GABRB2: variants seen among roughly 807,000 people sequenced by gnomAD.
GABRB2 encodes the protein gamma-aminobutyric acid type A receptor subunit beta2.
A neutral mutation model predicts 54.7 loss-of-function variants in GABRB2; 16 were observed. The ratio of observed to expected loss-of-function variants is 0.29; its 90% CI spans 0.20 to 0.44. GABRB2 has a LOEUF of 0.44. Ranked by LOEUF, GABRB2 falls within the 20% of genes least tolerant of loss-of-function variation. The pLI, the probability that GABRB2 is intolerant of heterozygous loss-of-function variation, is 1.00. For missense variants in GABRB2, 355 were observed against 644.0 expected (o/e 0.55, Z 4.86); for synonymous variants, 244 against 233.8 (o/e 1.04, Z -0.40).
chr5:161,306,119 A>G (rs982729071), intron 9 of GABRB2, among the ~76,000 whole-genome samples: 1 of 152,218 alleles, frequency 6.6e-6, no homozygotes, highest in African/African-American at 2.4e-5. Context: ...ATGGGTTTTG[A>G]AACTGACGTC....
chr5:161,393,708 TAATAA>T (rs1283667962), intron 5 of GABRB2, among the ~76,000 whole-genome samples: 3 of 152,102 alleles, frequency 2.0e-5, no homozygotes, highest in African/African-American at 7.2e-5. Context: ...CAGGAAGACC[TAATAA>T]TTCTCAGTGT....
At chr5:161,451,304 G>A (rs1757781771) in intron 4 of GABRB2, among the ~76,000 whole-genome samples, 1 of 152,168 alleles carries the variant, frequency 6.6e-6, no homozygotes, top group African/African-American at 2.4e-5. Flanking sequence ...CTGATCTAAT[G>A]TTACATATGG....
intron 5 of GABRB2, among the ~76,000 whole-genome samples, chr5:161,366,936 A>G (rs143262619): frequency 1.1e-3 from 160 of 152,326 alleles, no homozygotes; most frequent in African/African-American, 3.7e-3. Context: ...CAACAGAGAA[A>G]GACTCCATCT....
At chr5:161,384,478 G>A (rs544596819) in intron 5 of GABRB2, among the ~76,000 whole-genome samples, 8 of 152,188 alleles carry the variant, frequency 5.3e-5, no homozygotes, top group Admixed American at 3.9e-4. Context: ...CTTCTTTCAC[G>A]GTAACAGTGT....
chr5:161,504,123 A>G (rs1301889394), intron 3 of GABRB2, among the ~76,000 whole-genome samples: 1 of 152,198 alleles, frequency 6.6e-6, no homozygotes, highest in Non-Finnish European at 1.5e-5. Context: ...TTTAACAACT[A>G]TCTCTCAGCA....
At chr5:161,372,083 C>T (rs901727651) in intron 5 of GABRB2, among the ~76,000 whole-genome samples, 1 of 152,020 alleles carries the variant, frequency 6.6e-6, no homozygotes, top group Non-Finnish European at 1.5e-5. Context: ...CGATTAAATC[C>T]TTTTTCATTT....
chr5:161,475,870 C>A (rs1379615600), intron 3 of GABRB2, among the ~76,000 whole-genome samples: 1 of 151,892 alleles, frequency 6.6e-6, no homozygotes, highest in South Asian at 2.1e-4. Context: ...AGACTGAAAG[C>A]TTTTCTTCTG....
At chr5:161,511,233 A>C (rs1759758410) in intron 3 of GABRB2, among the ~76,000 whole-genome samples, 1 of 151,986 alleles carries the variant, frequency 6.6e-6, no homozygotes, top group Non-Finnish European at 1.5e-5. Context: ...AAAGTTCCTA[A>C]ATAATCTTGC....
chr5:161,445,981 T>G (rs1213910041), intron 4 of GABRB2, among the ~76,000 whole-genome samples: 1 of 152,166 alleles, frequency 6.6e-6, no homozygotes. Flanking sequence ...AAATCATCAA[T>G]ACCAACCTTT....
At chr5:161,334,649 T>A in intron 7 of GABRB2, 103 bp downstream of exon 7, 1 of 1,175,436 alleles carries the variant, frequency 8.5e-7, no homozygotes, top group South Asian at 1.5e-5. Context: ...GAGGTTCAGT[T>A]GCGTCATGCA....
In GABRB2 at chr5:161,489,236, G is replaced by C. The variant is rs550714834; in HGVS notation, c.238-29392C>G. On this transcript the variant is annotated intron_variant, in intron 3 of 9. Transcript: ENST00000393959. ...TAAACTGTTTATTTTGTAGTAATAT[G>C]AGCACAGTAGAAGATAGAATGACCC... Among the ~76,000 whole-genome samples the C allele has an allele frequency of 4.3e-4, 65 of 151,662 alleles. 1 individual carries two copies. Among genetic ancestry groups the C allele is most frequent in the African/African-American group, 1.5e-3 (62 of 41,458 alleles).
At chr5:161,530,475 A>T (rs1171919483) in intron 3 of GABRB2, among the ~76,000 whole-genome samples, 8 of 152,096 alleles carry the variant, frequency 5.3e-5, no homozygotes, top group African/African-American at 1.9e-4. Flanking sequence ...TACAATTATG[A>T]TATTAAAACG....
chr5:161,411,061 G>C lies in GABRB2; in HGVS notation c.459-4C>G. 6.2e-7 allele frequency: 1 copy of C among 1,610,698 alleles called. No homozygotes were observed. The highest frequency in any genetic ancestry group is 1.7e-5 in the Admixed American group (1 of 59,950). The stretch of plus-strand genomic sequence containing the variant: ...GCAGGCAGCTGTGGTTGTGATTCTA[G>C]AAGACAAATAGCAATGATGAGTGTT... On this transcript the variant is annotated splice_region_variant and splice_polypyrimidine_tract_variant and intron_variant, in intron 4 of 9. Coordinates refer to ENST00000393959, the MANE Select transcript of GABRB2 (RefSeq NM_001371727.1).
chr5:161,334,669 T>A (rs1348367888), intron 7 of GABRB2, 83 bp downstream of exon 7: 4 of 1,443,970 alleles, frequency 2.8e-6, no homozygotes, highest in African/African-American at 1.4e-5. Flanking sequence ...ACCACAAATT[T>A]CAGGATAAGG....
chr5:161,393,801 T>C (rs1755910316), intron 5 of GABRB2, among the ~76,000 whole-genome samples: 1 of 151,996 alleles, frequency 6.6e-6, no homozygotes, highest in African/African-American at 2.4e-5. Context: ...TACAAAAACA[T>C]AGTAGGAATT....
chr5:161,529,668 A>C lies in GABRB2; in HGVS notation c.237+15559T>G, dbSNP rs561962042. Among the ~76,000 whole-genome samples the C allele has an allele frequency of 6.6e-5, 10 of 152,170 alleles. No homozygotes were observed. In the East Asian group the frequency reaches 1.7e-3, roughly 26 times the overall value. On this transcript the variant is annotated intron_variant, in intron 3 of 9. Coordinates refer to ENST00000393959, the MANE Select transcript of GABRB2 (RefSeq NM_001371727.1). ...TTCTCAATAAATGGTAATAATTTTT[A>C]GTAGTGTTACTAGTCGTAATCAAAT...
At chr5:161,457,842 G>A (rs1445660017) in intron 4 of GABRB2, among the ~76,000 whole-genome samples, 2 of 152,122 alleles carry the variant, frequency 1.3e-5, no homozygotes, top group Admixed American at 1.3e-4. Flanking sequence ...TTATTGCACT[G>A]CTATTTACAG....
chr5:161,332,013 A>C (rs935776333), intron 7 of GABRB2, among the ~76,000 whole-genome samples: 1 of 151,826 alleles, frequency 6.6e-6, no homozygotes, highest in Non-Finnish European at 1.5e-5. Flanking sequence ...AAAATACAAA[A>C]AAATTAGCCG....
intron 5 of GABRB2, among the ~76,000 whole-genome samples, chr5:161,362,012 G>T (rs903425871): frequency 1.3e-5 from 2 of 152,072 alleles, no homozygotes; most frequent in Admixed American, 1.3e-4. Flanking sequence ...AGTTTTCCCA[G>T]CACTATTTAT....
Sources: gnomAD v4.1 joint callset for allele counts (sites outside exome capture counted in the v4.1 genomes callset) on GRCh38, gnomAD v4.1.1 for gene constraint, MANE v1.5 for transcripts, NCBI Gene and HGNC (gene_info 2026-07-23, HGNC 2026-07-21) for gene names.